ALOX12B: variants seen among roughly 807,000 people sequenced by gnomAD.
ALOX12B encodes the protein arachidonate 12-lipoxygenase, 12R-type.
Under a neutral mutation model 78.9 loss-of-function variants are expected in ALOX12B, and 47 were observed. That is an observed-to-expected ratio of 0.60 (90% confidence interval 0.47 to 0.76). The LOEUF is 0.76. Ranked by LOEUF, ALOX12B falls within the 30% of genes least tolerant of loss-of-function variation. The probability of loss-of-function intolerance (pLI) is 0.00; values close to 1 mark genes in which losing one functional copy is unlikely to be tolerated. For synonymous variants in ALOX12B, 370 were observed against 374.5 expected (o/e 0.99, Z 0.14); for missense variants, 805 against 922.6 (o/e 0.87, Z 1.65).
At chr17:8,074,119 C>G (rs934531008) in intron 12 of ALOX12B, among the ~76,000 whole-genome samples, 1 of 152,128 alleles carries the variant, frequency 6.6e-6, no homozygotes, top group Admixed American at 6.5e-5. Flanking sequence ...AGTCCTGCCC[C>G]GACTCAACCC....
At position 8,087,607 on chromosome 17, in the gene ALOX12B, G is replaced by T; in HGVS notation, c.-165C>A. The stretch of plus-strand genomic sequence containing the variant: ...CGAGGTGGGGTGACTAGGCCTGCCA[G>T]CCAAATTCTGGAAAAGCTGCTGCCC... On this transcript the variant is annotated 5_prime_UTR_variant, in exon 1 of 15. It adds an upstream start codon to the 5' untranslated region. Coordinates refer to ENST00000647874, the MANE Select transcript of ALOX12B (RefSeq NM_001139.3). 1.7e-6 allele frequency: 2 copies of T among 1,185,934 alleles called. No individual in the cohort carries two copies. The highest frequency in any genetic ancestry group is 2.4e-6 in the Non-Finnish European group (2 of 839,180). The allele number at this position is 1,185,934 out of a possible 1,614,324, so 73.5% of individuals were successfully genotyped here.
In ALOX12B at chr17:8,087,505, G is replaced by A. The variant is rs559311969; in HGVS notation, c.-63C>T. ...AGACACCGTGGAGGGGCCACACGAA[G>A]GCCCAAGGCAGGCAAGAGAAGCCAG... On this transcript the variant is annotated 5_prime_UTR_variant, in exon 1 of 15. Transcript: ENST00000647874. The A allele has an allele frequency of 6.8e-5, 110 of 1,611,350 alleles. No homozygotes were observed. The African/African-American group carries it at 1.4e-3, about 20-fold the overall frequency.
chr17:8,073,667 T>C lies in ALOX12B; in HGVS notation c.1745A>G (p.Asn582Ser). 6.2e-7 allele frequency: 1 copy of C among 1,614,036 alleles called. No individual in the cohort carries two copies. The highest frequency in any genetic ancestry group is 8.5e-7 in the Non-Finnish European group (1 of 1,179,946). Residue 582 changes from asparagine (N) to serine (S), a missense_variant, in exon 13 of 15, where the codon AAC (asparagine) becomes AGC (serine). Asn to Ser is a conservative substitution (Grantham distance 46). Transcript: ENST00000647874. ...TGAGACCACCGGTACCTGGCCTGTG[T>C]TGACAGCAGCGTGCTTGGCAGAGCA... ...YTCSAKHAAV[N>S]TGQMEFTAWM...
Position 8,072,941 on chromosome 17 carries a change from C to T in ALOX12B, c.1936G>A (p.Gly646Arg), listed in dbSNP as rs1398340320. The T allele has an allele frequency of 1.5e-5, 24 of 1,611,466 alleles. No individual in the cohort carries two copies. The highest frequency in any genetic ancestry group is 2.0e-5 in the Non-Finnish European group (23 of 1,178,580). ...SREPDDRRPL[G>R]HFPDIHFVEE... is the part of the protein sequence containing the mutation. ...ACGAAGTGAATGTCCGGGAAGTGTCCCAGGGGCCGCTGCGGGCAGAGAGCT... is the reference window on the plus strand; with the variant it reads ...ACGAAGTGAATGTCCGGGAAGTGTCTCAGGGGCCGCTGCGGGCAGAGAGCT... The change falls in exon 15 of 15, where the codon GGA becomes AGA. Residue 646 changes from glycine to arginine, a missense_variant. Coordinates refer to ENST00000647874, the MANE Select transcript of ALOX12B (RefSeq NM_001139.3).
intron 2 of ALOX12B, among the ~76,000 whole-genome samples, chr17:8,085,169 A>C (rs1466271984): frequency 6.6e-6 from 1 of 152,234 alleles, no homozygotes; most frequent in African/African-American, 2.4e-5. Context: ...TTGGAGCAAT[A>C]GAACATCCCA....
In ALOX12B at chr17:8,076,280, T is replaced by C. The variant is rs1977079083; in HGVS notation, c.1427A>G (p.Tyr476Cys). The C allele has an allele frequency of 1.2e-6, 2 of 1,613,960 alleles. No homozygotes were observed. The highest frequency in any genetic ancestry group is 1.7e-6 in the Non-Finnish European group (2 of 1,179,962). Residue 476 changes from tyrosine (Y) to cysteine (C), a missense_variant, in exon 11 of 15, where the codon TAT becomes TGT. Tyr to Cys is a radical substitution (Grantham distance 194). Transcript: ENST00000647874. ...VMVRALSELTYDSLYLPNDFV... is the reference protein window; with the variant it reads ...VMVRALSELTCDSLYLPNDFV... The stretch of plus-strand genomic sequence containing the variant: ...GTCATTGGGGAGGTAGAGGCTGTCA[T>C]AGGTGAGCTCCGACAGAGCCCGTAC...
chr17:8,086,859 G>T (rs7221090), intron 1 of ALOX12B, among the ~76,000 whole-genome samples: 2 of 152,188 alleles, frequency 1.3e-5, no homozygotes, highest in African/African-American at 4.8e-5. Context: ...AGACAGAAAG[G>T]GGAGGAGAGC....
Position 8,079,534 on chromosome 17 carries a change from C to A in ALOX12B, c.933G>T (p.Gly311=). Residue 311 remains glycine (G), a synonymous_variant, in exon 8 of 15, where the codon GGG becomes GGT. Coordinates refer to ENST00000647874, the MANE Select transcript of ALOX12B (RefSeq NM_001139.3). This position sits in a 1 kb window ranked among gnomAD's most constrained non-coding sequence, Gnocchi z 6.4. ...TGCGGTAGTCGGCCAGGTAAATGTT[C>A]CCCTTCTGGAGGGGAGCCGCGATGG... ...GTCLQAELEK[G]NIYLADYRIM... is the part of the protein sequence containing the mutation. 6.4e-7 allele frequency: 1 copy of A among 1,550,578 alleles called. No individual in the cohort carries two copies. Among genetic ancestry groups the A allele is most frequent in the Non-Finnish European group, 8.7e-7 (1 of 1,146,912 alleles).
At chr17:8,086,362 C>A (rs1978298448) in intron 1 of ALOX12B, 142 bp from the exon 2 acceptor site, 3 of 865,810 alleles carry the variant, frequency 3.5e-6, no homozygotes, top group Non-Finnish European at 5.6e-6. Context: ...AGGATATTGA[C>A]CTGATCATTG....
At chr17:8,085,823 T>G (rs1163144784) in intron 2 of ALOX12B, among the ~76,000 whole-genome samples, 193 bp downstream of exon 2, 1 of 152,178 alleles carries the variant, frequency 6.6e-6, no homozygotes, top group Non-Finnish European at 1.5e-5. Context: ...TCCTCCAATG[T>G]GCAGCCCCAA....
Position 8,083,880 on chromosome 17 carries a change from C to T in ALOX12B, c.352+2136G>A, listed in dbSNP as rs546815714. Among the ~76,000 whole-genome samples, 26 of 152,132 alleles carry T rather than the reference C, an allele frequency of 1.7e-4. No homozygotes were observed. The South Asian group carries it at 3.1e-3, about 18-fold the overall frequency. The stretch of plus-strand genomic sequence containing the variant: ...GCTTAGAAGAATTTGGAAATGTGGC[C>T]GGGTGCGGTGGCTCACACCTGTAAT... On this transcript the variant is annotated intron_variant, in intron 2 of 14. Transcript: ENST00000647874.
At chr17:8,086,261 C>A in intron 1 of ALOX12B, 41 bp from the exon 2 acceptor site, 1 of 1,600,938 alleles carries the variant, frequency 6.2e-7, no homozygotes, top group Non-Finnish European at 8.5e-7. Context: ...CAGGACTTCA[C>A]CCCGGCTCCC....
chr17:8,076,776 G>A, intron 9 of ALOX12B, 33 bp from the exon 10 acceptor site: 1 of 1,542,164 alleles, frequency 6.5e-7, no homozygotes, highest in African/African-American at 1.4e-5. Context: ...GAAGAGAGAG[G>A]GCTGAAGTGG....
Position 8,072,802 on chromosome 17 carries a change from G to C in ALOX12B, c.2075C>G (p.Pro692Arg). 6.2e-7 allele frequency: 1 copy of C among 1,614,238 alleles called. No homozygotes were observed. The highest frequency in any genetic ancestry group is 8.5e-7 in the Non-Finnish European group (1 of 1,180,044). Reference protein sequence around the residue: ...CLPIPYYYLDPVLIENSISI With the variant: ...CLPIPYYYLDRVLIENSISI ...AGAAATGCTGTTCTCAATCAGCACC[G>C]GGTCCAGGTAGTAGTAGGGGATGGG... Residue 692 changes from proline (P) to arginine (R), a missense_variant, in exon 15 of 15, where the codon CCG becomes CGG. Physicochemically the swap from Pro to Arg is moderately radical, Grantham distance 103 (BLOSUM62 -2). Transcript: ENST00000647874.
At chr17:8,082,667 T>C (rs987852538) in intron 2 of ALOX12B, among the ~76,000 whole-genome samples, 2 of 152,188 alleles carry the variant, frequency 1.3e-5, no homozygotes, top group African/African-American at 4.8e-5. Context: ...GCTTCTTAGA[T>C]CTAAGTGACT....
In ALOX12B at chr17:8,079,802, C is replaced by A. The variant is rs1254657141; in HGVS notation, c.894G>T (p.Leu298=). 2 of 1,613,170 alleles carry A rather than the reference C, an allele frequency of 1.2e-6. No homozygotes were observed. Among genetic ancestry groups the A allele is most frequent in the Non-Finnish European group, 1.7e-6 (2 of 1,179,926 alleles). ...CCGCTTGCAAGCACGTTCCCTCGCCCAGGAACGGAGCCACCATGTCGTCTG... is the reference window on the plus strand; with the variant it reads ...CCGCTTGCAAGCACGTTCCCTCGCCAAGGAACGGAGCCACCATGTCGTCTG... ...PVTDDMVAPF[L]GEGTCLQAEL... The change falls in exon 7 of 15, where the codon CTG becomes CTT. Residue 298 remains leucine, a synonymous_variant. Transcript: ENST00000647874. This position sits in a 1 kb window ranked among gnomAD's most constrained non-coding sequence, Gnocchi z 6.4.
At chr17:8,081,651 A>AT (rs1030923441) in intron 2 of ALOX12B, 1,016 of 175,176 alleles carry the variant, frequency 5.8e-3, no homozygotes, top group South Asian at 0.018. Flanking sequence ...ATGTGTACAC[A>AT]TTTTTTTTTT....
chr17:8,078,936 CG>C (rs1977146171), intron 8 of ALOX12B, among the ~76,000 whole-genome samples: 1 of 143,770 alleles, frequency 7.0e-6, no homozygotes, highest in Admixed American at 7.2e-5. Context: ...CTCGCTCTGT[CG>C]CCCAGAGCGA....
chr17:8,087,210 A>G (rs1978302183), intron 1 of ALOX12B, 86 bp downstream of exon 1: 5 of 1,508,394 alleles, frequency 3.3e-6, no homozygotes, highest in Non-Finnish European at 4.5e-6. Flanking sequence ...GGCCACAAAG[A>G]CACACAGACA....
Sources: gnomAD v4.1 joint callset for allele counts (sites outside exome capture counted in the v4.1 genomes callset) on GRCh38, gnomAD v4.1.1 for gene constraint, Gnocchi (gnomAD v3.1) non-coding constraint, MANE v1.5 for transcripts, NCBI Gene and HGNC (gene_info 2026-07-23, HGNC 2026-07-21) for gene names.